Variants in C11orf97 observed in about 807,000 individuals in gnomAD.
The protein encoded by C11orf97 is uncharacterized protein C11orf97.
C11orf97 carries 15 observed loss-of-function variants against 16.2 expected under a neutral mutation model. That is an observed-to-expected ratio of 0.93 (90% CI 0.62 to 1.43). The LOEUF (loss-of-function observed/expected upper bound fraction) is 1.43. Ranked by LOEUF, C11orf97 falls within the 40% of genes most tolerant of loss-of-function variation. C11orf97 has a pLI of 0.00. For synonymous variants in C11orf97, 61 were observed against 65.7 expected, an observed-to-expected ratio of 0.93 and a Z score of 0.34; for missense variants, 171 against 161.2, an observed-to-expected ratio of 1.06 and a Z score of -0.33.
At chr11:94,518,001 T>C (rs555836037) in intron 2 of C11orf97, among the ~76,000 whole-genome samples, 2 of 152,002 alleles carry the variant, frequency 1.3e-5, no homozygotes, top group South Asian at 4.2e-4. Context: ...CACAAAAAAT[T>C]AGCCGGGTAT....
chr11:94,521,648 G>A (rs576476485), intron 2 of C11orf97, among the ~76,000 whole-genome samples: 1 of 152,274 alleles, frequency 6.6e-6, no homozygotes, highest in African/African-American at 2.4e-5. Flanking sequence ...AGCTATCTGA[G>A]GATAGGGGCT....
intron 1 of C11orf97, among the ~76,000 whole-genome samples, chr11:94,513,048 C>A (rs763072554): frequency 3.2e-4 from 49 of 152,082 alleles, no homozygotes; most frequent in Admixed American, 7.9e-4. Context: ...CCCTTAGAAA[C>A]ACGCAGCTCA....
In C11orf97 at chr11:94,532,092, G is replaced by T; in HGVS notation, c.*192G>T. On this transcript the variant is annotated 3_prime_UTR_variant, in exon 4 of 4. Coordinates refer to ENST00000542198, the MANE Select transcript of C11orf97 (RefSeq NM_001190462.2). ...AAAGACTATTGGTAATGTTCAGTAA[G>T]TACCTGAAAACAATAAAGGAAAATA... The T allele has an allele frequency of 2.5e-6, 1 of 393,990 alleles. No individual in the cohort carries two copies. Among genetic ancestry groups the T allele is most frequent in the Non-Finnish European group, 4.4e-6 (1 of 225,184 alleles). The allele number at this position is 393,990 out of a possible 1,614,324, so 24.4% of individuals were successfully genotyped here.
In C11orf97 at chr11:94,517,671, T is replaced by G; in HGVS notation, c.234T>G (p.Ile78Met). 2.6e-6 allele frequency: 4 copies of G among 1,526,606 alleles called. No homozygotes were observed. In the South Asian group the frequency reaches 3.7e-5, roughly 14 times the overall value. The allele number at this position is 1,526,606 out of a possible 1,614,324, so 94.6% of individuals were successfully genotyped here. A position where few individuals can be genotyped will look rare whatever the true frequency, so the allele number is the denominator to read the frequency against. Residue 78 changes from isoleucine to methionine, a missense_variant, in exon 2 of 4, where the codon ATT becomes ATG. Physicochemically the swap from Ile to Met is conservative, Grantham distance 10 (BLOSUM62 1). Coordinates refer to ENST00000542198, the MANE Select transcript of C11orf97 (RefSeq NM_001190462.2). ...ERHIKRDECHIKNPAAVALEG... is the reference protein window; with the variant it reads ...ERHIKRDECHMKNPAAVALEG... ...ATATTAAGAGAGATGAATGCCACATTAAAAATCCAGCTGCAGGTAATCTCA... is the reference window on the plus strand; with the variant it reads ...ATATTAAGAGAGATGAATGCCACATGAAAAATCCAGCTGCAGGTAATCTCA...
intron 2 of C11orf97, among the ~76,000 whole-genome samples, chr11:94,521,994 G>C (rs616823): frequency 0.7 from 106,165 of 152,104 alleles, 37,389 homozygotes; most frequent in African/African-American, 0.79. Context: ...CCTGGTTCTC[G>C]CTCTACTTCT....
At position 94,512,624 on chromosome 11, in the gene C11orf97, C is replaced by T; in HGVS notation, c.96C>T (p.Cys32=). The T allele has an allele frequency of 1.6e-6, 2 of 1,257,032 alleles. No individual in the cohort carries two copies. The highest frequency in any genetic ancestry group is 2.0e-6 in the Non-Finnish European group (2 of 1,000,070). 77.9% of individuals were successfully genotyped at this position (1,257,032 alleles called of 1,614,324 possible). ...CTCCTCCGCCAGCAGGGCTGGGGTGCGGGGCGCGCGGGGAACCCGGCCGCG... is the reference window on the plus strand; with the variant it reads ...CTCCTCCGCCAGCAGGGCTGGGGTGTGGGGCGCGCGGGGAACCCGGCCGCG... The part of the protein sequence containing the change: ...EQPPPPAGLG[C]GARGEPGRGP... The change falls in exon 1 of 4, where the codon TGC becomes TGT. Residue 32 remains cysteine, a synonymous_variant. Transcript: ENST00000542198.
At chr11:94,526,105 C>T (rs528244447) in intron 2 of C11orf97, among the ~76,000 whole-genome samples, 1 of 152,154 alleles carries the variant, frequency 6.6e-6, no homozygotes, top group African/African-American at 2.4e-5. Flanking sequence ...TGAAGTCTTT[C>T]TGGCTCCGTG....
chr11:94,529,254 A>G (rs1356472493), intron 3 of C11orf97, among the ~76,000 whole-genome samples: 1 of 152,210 alleles, frequency 6.6e-6, no homozygotes, highest in Non-Finnish European at 1.5e-5. Context: ...TGAGAGTTCA[A>G]TAAAAGTGTC....
At chr11:94,516,699 G>A (rs1591745886) in intron 1 of C11orf97, among the ~76,000 whole-genome samples, 1 of 152,168 alleles carries the variant, frequency 6.6e-6, no homozygotes, top group East Asian at 1.9e-4. Flanking sequence ...ATGATAAAAA[G>A]TCATTTCCAG....
chr11:94,517,163 T>C (rs1417189951), intron 1 of C11orf97, among the ~76,000 whole-genome samples: 1 of 152,230 alleles, frequency 6.6e-6, no homozygotes, highest in Admixed American at 6.5e-5. Flanking sequence ...GATTTTGTTC[T>C]CTCTTCTGTA....
At chr11:94,531,346 C>T (rs368494037) in intron 3 of C11orf97, among the ~76,000 whole-genome samples, 5 of 151,864 alleles carry the variant, frequency 3.3e-5, no homozygotes, top group South Asian at 4.2e-4. Flanking sequence ...GGCTGAAGAA[C>T]CAGAATCGCT....
chr11:94,512,804 T>G, intron 1 of C11orf97, 131 bp downstream of exon 1: 1 of 1,008,906 alleles, frequency 9.9e-7, no homozygotes, highest in African/African-American at 1.7e-5. Context: ...CTGCTGCTTT[T>G]GGCAGAACCA....
chr11:94,517,486 T>C, intron 1 of C11orf97, 97 bp from the exon 2 acceptor site: 1 of 595,318 alleles, frequency 1.7e-6, no homozygotes, highest in Non-Finnish European at 2.7e-6. Context: ...TGGAATAACA[T>C]GTCTTCTTTT....
chr11:94,515,139 A>AG lies in C11orf97; in HGVS notation c.146-2442dup, dbSNP rs1947601849. On this transcript the variant is annotated intron_variant, in intron 1 of 3. Transcript: ENST00000542198. The stretch of plus-strand genomic sequence containing the variant: ...ATAACCGTAGGAGCTTGGGAGACTC[A>AG]GGTAGGTGTGGCTTCTCATTTTCAT... Among the ~76,000 whole-genome samples the AG allele has an allele frequency of 2.0e-5, 3 of 152,296 alleles. No individual in the cohort carries two copies. The South Asian group carries it at 6.2e-4, about 32-fold the overall frequency.
chr11:94,528,102 G>C lies in C11orf97; in HGVS notation c.269G>C (p.Trp90Ser). Residue 90 changes from tryptophan (W) to serine (S), a missense_variant, in exon 3 of 4, where the codon TGG (tryptophan) becomes TCG (serine). Transcript: ENST00000542198. ...TTGACAGTGGCCCTGGAAGGGATTT[G>C]GAGCATTAAAAGGAATCTGCCTGTG... ...NPAAVALEGIWSIKRNLPVGG... is the reference protein window; with the variant it reads ...NPAAVALEGISSIKRNLPVGG... The C allele has an allele frequency of 6.5e-7, 1 of 1,534,694 alleles. No homozygotes were observed. Among genetic ancestry groups the C allele is most frequent in the Non-Finnish European group, 8.7e-7 (1 of 1,146,220 alleles).
intron 2 of C11orf97, among the ~76,000 whole-genome samples, chr11:94,526,735 G>A (rs188968804): frequency 1.2e-3 from 190 of 152,330 alleles, no homozygotes; most frequent in Admixed American, 2.1e-3. Context: ...AATGGCAGGG[G>A]AAGATTTAGG....
chr11:94,512,870 C>G (rs1223544618), intron 1 of C11orf97, among the ~76,000 whole-genome samples, 197 bp downstream of exon 1: 2 of 152,038 alleles, frequency 1.3e-5, no homozygotes, highest in Non-Finnish European at 1.5e-5. Context: ...CCCTCCTTCC[C>G]GATAGCCTGC....
At chr11:94,525,283 C>T (rs1947691062) in intron 2 of C11orf97, among the ~76,000 whole-genome samples, 1 of 152,132 alleles carries the variant, frequency 6.6e-6, no homozygotes, top group Admixed American at 6.6e-5. Flanking sequence ...TTATAGTAGT[C>T]ATGAAAAATT....
At chr11:94,531,053 T>C (rs1947734494) in intron 3 of C11orf97, among the ~76,000 whole-genome samples, 1 of 152,214 alleles carries the variant, frequency 6.6e-6, no homozygotes, top group Admixed American at 6.5e-5. Flanking sequence ...CAACATATAA[T>C]ACACATCATT....
Sources: gnomAD v4.1 joint callset for allele counts (sites outside exome capture counted in the v4.1 genomes callset) on GRCh38, gnomAD v4.1.1 for gene constraint, MANE v1.5 for transcripts, NCBI Gene and HGNC (gene_info 2026-07-23, HGNC 2026-07-21) for gene names.